NSD1: variants seen among roughly 807,000 people sequenced by gnomAD.
The protein encoded by NSD1 is nuclear receptor binding SET domain protein 1.
In NSD1, 26 loss-of-function variants were observed where a neutral mutation model predicts 242.7. The observed-to-expected ratio is 0.11, with a 90% CI of 0.08 to 0.15. NSD1 has a LOEUF of 0.15. Among genes scored for constraint, NSD1 ranks in the 10% least tolerant of loss-of-function variants. The pLI, the probability that NSD1 is intolerant of heterozygous loss-of-function variation, is 1.00. For missense variants in NSD1, 2,495 were observed against 3,272.8 expected, an observed-to-expected ratio of 0.76 and a Z score of 5.80; for synonymous variants, 1,106 against 1,178.1, an observed-to-expected ratio of 0.94 and a Z score of 1.25.
At chr5:177,248,425 C>T in intron 11 of NSD1, 101 bp downstream of exon 11, 2 of 1,402,606 alleles carry the variant, frequency 1.4e-6, no homozygotes, top group South Asian at 2.5e-5. Context: ...AATAACAATG[C>T]TTTTGGATGA....
chr5:177,188,485 A>G (rs531921799), intron 2 of NSD1, among the ~76,000 whole-genome samples: 118 of 151,738 alleles, frequency 7.8e-4, no homozygotes, highest in African/African-American at 2.7e-3. Context: ...GGGTTTGTTA[A>G]AGTCTTTACT....
chr5:177,267,783 A>G, intron 15 of NSD1, 65 bp downstream of exon 15: 2 of 1,466,378 alleles, frequency 1.4e-6, no homozygotes, highest in Non-Finnish European at 1.9e-6. Context: ...TCTCAGATAC[A>G]ATGCTTAACG....
intron 2 of NSD1, among the ~76,000 whole-genome samples, chr5:177,164,325 T>C (rs1167568976): frequency 6.6e-6 from 1 of 151,738 alleles, no homozygotes; most frequent in Non-Finnish European, 1.5e-5. Context: ...CCTGGCTAAT[T>C]TTTGTATTTT....
At chr5:177,245,827 T>G (rs898479628) in intron 9 of NSD1, among the ~76,000 whole-genome samples, 5 of 151,716 alleles carry the variant, frequency 3.3e-5, no homozygotes. Flanking sequence ...TTAGTAGAGA[T>G]AGGGTTTCAC....
intron 13 of NSD1, 26 bp downstream of exon 13, chr5:177,257,177 C>A: frequency 3.3e-6 from 5 of 1,534,562 alleles, no homozygotes; most frequent in Non-Finnish European, 4.5e-6. Context: ...GTGGACCAGT[C>A]TAATTGTAAA....
intron 8 of NSD1, among the ~76,000 whole-genome samples, chr5:177,240,871 C>T (rs999751394): frequency 6.6e-6 from 1 of 151,758 alleles, no homozygotes; most frequent in East Asian, 1.9e-4. Context: ...AAAAAAACCC[C>T]AGAAAATGGT....
At chr5:177,136,597 C>A (rs1395580743) in intron 2 of NSD1, among the ~76,000 whole-genome samples, 1 of 151,474 alleles carries the variant, frequency 6.6e-6, no homozygotes, top group Non-Finnish European at 1.5e-5. Context: ...ATAACTGCCA[C>A]CATTAGCTCT....
At chr5:177,228,852 T>C (rs1764833951) in intron 5 of NSD1, among the ~76,000 whole-genome samples, 1 of 152,220 alleles carries the variant, frequency 6.6e-6, no homozygotes, top group South Asian at 2.1e-4. Context: ...GCAAATTTAA[T>C]GTGTTATGCA....
chr5:177,225,115 C>T (rs1371035659), intron 5 of NSD1, among the ~76,000 whole-genome samples: 1 of 151,952 alleles, frequency 6.6e-6, no homozygotes, highest in African/African-American at 2.4e-5. Context: ...TTGTGTGATA[C>T]CTTTTGTCTA....
At chr5:177,246,824 C>A in intron 10 of NSD1, 28 bp downstream of exon 10, 1 of 1,518,096 alleles carries the variant, frequency 6.6e-7, no homozygotes, top group South Asian at 1.1e-5. Flanking sequence ...ATCTTTTCAC[C>A]TTCTAAAGAG....
intron 3 of NSD1, among the ~76,000 whole-genome samples, chr5:177,193,796 A>G (rs1761887215): frequency 6.6e-6 from 1 of 152,008 alleles, no homozygotes. Flanking sequence ...TTGTTTTGAG[A>G]CGGAATCTTG....
chr5:177,236,657 G>A (rs896331494), intron 6 of NSD1, among the ~76,000 whole-genome samples: 6 of 152,100 alleles, frequency 3.9e-5, no homozygotes, highest in African/African-American at 1.2e-4. Flanking sequence ...TTCCTCATAG[G>A]TGTCACTTAG....
Position 177,135,301 on chromosome 5 carries a change from A to G in NSD1, c.198A>G (p.Pro66=), listed in dbSNP as rs1057523994. Reference sequence around the variant, plus strand: ...AAAATGCTTATGGACAAGATTCTCCATCTTGTTACATTCCACTGCGGAGAC... The same window carrying G: ...AAAATGCTTATGGACAAGATTCTCCGTCTTGTTACATTCCACTGCGGAGAC... ...TSQNAYGQDS[P]SCYIPLRRLQ... Residue 66 remains proline, a synonymous_variant, in exon 2 of 23, where the codon CCA becomes CCG. Coordinates refer to ENST00000439151, the MANE Select transcript of NSD1 (RefSeq NM_022455.5). The G allele has an allele frequency of 1.3e-5, 21 of 1,613,408 alleles. No homozygotes were observed. Among genetic ancestry groups the G allele is most frequent in the Admixed American group, 1.7e-5 (1 of 60,004 alleles).
chr5:177,197,454 C>T (rs1323701027), intron 3 of NSD1, among the ~76,000 whole-genome samples: 2 of 152,024 alleles, frequency 1.3e-5, no homozygotes, highest in African/African-American at 2.4e-5. Flanking sequence ...AACCCTGTCT[C>T]TACTAAAAAT....
At chr5:177,156,159 C>T (rs1758115467) in intron 2 of NSD1, among the ~76,000 whole-genome samples, 1 of 150,732 alleles carries the variant, frequency 6.6e-6, no homozygotes, top group Non-Finnish European at 1.5e-5. Context: ...CGTACTCTTC[C>T]CTCGCTCTTT....
intron 14 of NSD1, chr5:177,265,882 CG>C: frequency 1.4e-6 from 2 of 1,476,186 alleles, no homozygotes; most frequent in Non-Finnish European, 1.9e-6. Context: ...GCAGGCAGAA[CG>C]GGGAGGTGAA....
chr5:177,273,359 C>G (rs1045292759), intron 16 of NSD1, among the ~76,000 whole-genome samples: 1 of 148,154 alleles, frequency 6.7e-6, no homozygotes, highest in Non-Finnish European at 1.5e-5. Context: ...TTATGATATC[C>G]GCCACCACAG....
At chr5:177,132,839 G>C (rs1253143717), upstream of NSD1, among the ~76,000 whole-genome samples, 1 of 152,088 alleles carries the variant, frequency 6.6e-6, no homozygotes, top group Non-Finnish European at 1.5e-5. The surrounding 1 kb of genome is among the most constrained non-coding windows in gnomAD (Gnocchi z 7.5). Flanking sequence ...TGGTGGGTGA[G>C]GGGCTGTGGG....
At chr5:177,290,782 T>C (rs912503889) in intron 21 of NSD1, among the ~76,000 whole-genome samples, 5 of 152,224 alleles carry the variant, frequency 3.3e-5, no homozygotes, top group Non-Finnish European at 7.3e-5. Flanking sequence ...TTATACTGGA[T>C]TTTATTGTGC....
Sources: gnomAD v4.1 joint callset for allele counts (sites outside exome capture counted in the v4.1 genomes callset) on GRCh38, gnomAD v4.1.1 for gene constraint, Gnocchi (gnomAD v3.1) non-coding constraint, MANE v1.5 for transcripts, NCBI Gene and HGNC (gene_info 2026-07-23, HGNC 2026-07-21) for gene names.